Variants in NONO observed in about 807,000 individuals in gnomAD.
The protein encoded by NONO is non-POU domain containing octamer binding.
A neutral mutation model predicts 40.2 loss-of-function variants in NONO; 6 were observed. The ratio of observed to expected loss-of-function variants is 0.15; its 90% CI spans 0.08 to 0.29. The LOEUF (loss-of-function observed/expected upper bound fraction) is 0.29. NONO is among the 10% of genes least tolerant of loss of function. The pLI is 1.00. For synonymous variants in NONO, 89 were observed against 123.3 expected (o/e 0.72, Z 1.85); for missense variants, 133 against 397.8 (o/e 0.33, Z 5.66).
intron 4 of NONO, 160 bp downstream of exon 4, chrX:71,292,132 CAT>C: frequency 2.6e-6 from 1 of 390,113 alleles, no homozygotes; most frequent in South Asian, 7.4e-5. Context: ...AATTTTTCCT[CAT>C]AAGTTTTGTT....
chrX:71,287,872 T>TC (rs1251629131), intron 2 of NONO, among the ~76,000 whole-genome samples: 4 of 101,367 alleles, frequency 3.9e-5, no homozygotes, highest in Non-Finnish European at 6.0e-5. Flanking sequence ...ACCCTTTTTT[T>TC]TTTTTTTTTT....
At position 71,300,550 on chromosome X, in the gene NONO, C is replaced by T. The variant is rs1183143805; in HGVS notation, c.*474C>T. ...CAGGTTGATCTTGAACTCCTGACCT[C>T]GTGATCTACCCACCTCGGCCTCCCA... On this transcript the variant is annotated 3_prime_UTR_variant, in exon 12 of 12. Transcript: ENST00000276079. 2 of 189,955 alleles carry T rather than the reference C, an allele frequency of 1.1e-5. No individual in the cohort carries two copies. The highest frequency in any genetic ancestry group is 8.2e-5 in the East Asian group (1 of 12,162). 15.7% of individuals were successfully genotyped at this position (189,955 alleles called of 1,213,427 possible). A position where few individuals can be genotyped will look rare whatever the true frequency, so the allele number is the denominator to read the frequency against.
At chrX:71,297,154 T>TA in intron 7 of NONO, 107 bp downstream of exon 7, 1 of 771,622 alleles carries the variant, frequency 1.3e-6, no homozygotes, top group Non-Finnish European at 1.8e-6. Context: ...CTTTTATACT[T>TA]AGTTTGCGTT....
chrX:71,298,344 C>A, intron 9 of NONO, 125 bp from the exon 10 acceptor site: 1 of 611,991 alleles, frequency 1.6e-6, no homozygotes, highest in Non-Finnish European at 2.8e-6. Flanking sequence ...TTGTGCTCCT[C>A]AGCTTTCTCA....
In NONO at chrX:71,298,549, G is replaced by T. The variant is rs758737150; in HGVS notation, c.1171+41G>T. 6 of 1,157,158 alleles carry T rather than the reference G, an allele frequency of 5.2e-6. No individual in the cohort carries two copies. The East Asian group carries it at 1.5e-4, about 29-fold the overall frequency. ...GTTAATGGCTCTGATTTCCTTTTTTGTTTGGTCTTGGGTGAACTATGTAGC... is the reference window on the plus strand; with the variant it reads ...GTTAATGGCTCTGATTTCCTTTTTTTTTTGGTCTTGGGTGAACTATGTAGC... On this transcript the variant is annotated intron_variant, in intron 10 of 11. Transcript: ENST00000276079.
At chrX:71,297,770 G>A (rs1269433195) in intron 8 of NONO, 66 bp from the exon 9 acceptor site, 1 of 842,297 alleles carries the variant, frequency 1.2e-6, no homozygotes, top group Admixed American at 2.6e-5. Flanking sequence ...CCTTGGTTGA[G>A]TCTCCTGTTA....
At chrX:71,298,590 T>G in intron 10 of NONO, 82 bp downstream of exon 10, 1 of 1,069,645 alleles carries the variant, frequency 9.3e-7, no homozygotes, top group Admixed American at 2.2e-5. Context: ...CTGCCTACTT[T>G]AAGGGGGTGA....
intron 5 of NONO, 34 bp from the exon 6 acceptor site, chrX:71,296,531 T>A (rs773206350): frequency 2.0e-6 from 2 of 1,025,166 alleles, no homozygotes; most frequent in South Asian, 4.2e-5. Flanking sequence ...TGGGGTATGA[T>A]TTGATTAACA....
intron 11 of NONO, among the ~76,000 whole-genome samples, chrX:71,299,044 C>T (rs1387303148): frequency 8.9e-6 from 1 of 111,740 alleles, no homozygotes; most frequent in Non-Finnish European, 1.9e-5. Flanking sequence ...GCCTCAGCCT[C>T]CCGAGTAGCT....
rs772038306 is a variant in NONO, at chrX:71,292,049, C to T, written c.348+77C>T. 38 of 695,011 alleles carry T rather than the reference C, an allele frequency of 5.5e-5. No individual in the cohort carries two copies. The Admixed American group carries it at 9.1e-4, about 17-fold the overall frequency. 57.3% of individuals were successfully genotyped at this position (695,011 alleles called of 1,213,427 possible). The stretch of plus-strand genomic sequence containing the variant: ...AGAATAATAGATGTGCAAAAATAGG[C>T]AGTGGAAATAATTCTCAGATGATGT... On this transcript the variant is annotated intron_variant, in intron 4 of 11. Transcript: ENST00000276079.
chrX:71,286,932 A>G (rs1366307949), intron 2 of NONO, among the ~76,000 whole-genome samples: 2 of 111,841 alleles, frequency 1.8e-5, no homozygotes, highest in Admixed American at 9.6e-5. Context: ...TGGTAATTGC[A>G]TTAATGTTTT....
chrX:71,289,417 G>A (rs747705258), intron 2 of NONO, among the ~76,000 whole-genome samples: 7 of 109,260 alleles, frequency 6.4e-5, no homozygotes, highest in African/African-American at 2.3e-4. Flanking sequence ...TCAGCCTCCC[G>A]AATAGCCAGG....
At chrX:71,298,926 C>CTT in intron 11 of NONO, 110 bp downstream of exon 11, 53 of 425,302 alleles carry the variant, frequency 1.2e-4, no homozygotes, top group Non-Finnish European at 1.7e-4. Context: ...AGATAGCAGT[C>CTT]TTTTTTTTTT....
chrX:71,288,958 A>G (rs940962319), intron 2 of NONO, among the ~76,000 whole-genome samples: 3 of 112,335 alleles, frequency 2.7e-5, no homozygotes, highest in African/African-American at 9.7e-5. Flanking sequence ...CCATACTAGT[A>G]CCACTGTTAT....
At chrX:71,294,670 C>T in intron 5 of NONO, 142 bp downstream of exon 5, 1 of 583,384 alleles carries the variant, frequency 1.7e-6, no homozygotes, top group South Asian at 3.2e-5. Flanking sequence ...GTAATCCCAG[C>T]ACTTTGGGAG....
intron 10 of NONO, 80 bp from the exon 11 acceptor site, chrX:71,298,626 GT>G: frequency 2.8e-6 from 3 of 1,071,295 alleles, no homozygotes; most frequent in Non-Finnish European, 3.9e-6. Context: ...TAGCCCAGAG[GT>G]CTTGTTGAAT....
chrX:71,289,668 C>A (rs1268424682), intron 2 of NONO, among the ~76,000 whole-genome samples: 1 of 111,776 alleles, frequency 8.9e-6, no homozygotes, highest in Non-Finnish European at 1.9e-5. Context: ...GTGGCACAGT[C>A]ATGGCTTATT....
Position 71,297,891 on chromosome X carries a change from A to G in NONO, c.1084A>G (p.Met362Val). ...EEEMRRQQEE[M>V]MRRQQEGFKG... is the part of the protein sequence containing the mutation. ...AGAGATGCGGCGGCAGCAAGAAGAA[A>G]TGATGCGGCGACAGCAGGAAGGATT... The change falls in exon 9 of 12, where the codon ATG becomes GTG. Residue 362 changes from methionine (M) to valine (V), a missense_variant. By Grantham distance (21) the Met-to-Val change is conservative. Transcript: ENST00000276079. 4 of 1,209,336 alleles carry G rather than the reference A, an allele frequency of 3.3e-6. No individual in the cohort carries two copies. Among genetic ancestry groups the G allele is most frequent in the Non-Finnish European group, 4.5e-6 (4 of 893,488 alleles).
chrX:71,285,329 AAC>A (rs2031164153), intron 2 of NONO, among the ~76,000 whole-genome samples: 2 of 111,904 alleles, frequency 1.8e-5, no homozygotes, highest in South Asian at 7.4e-4. Context: ...TATTTTTTAA[AAC>A]ACTATTTTCT....
Sources: gnomAD v4.1 joint callset for allele counts (sites outside exome capture counted in the v4.1 genomes callset) on GRCh38, gnomAD v4.1.1 for gene constraint, MANE v1.5 for transcripts, NCBI Gene and HGNC (gene_info 2026-07-23, HGNC 2026-07-21) for gene names.